IL19: variants seen among roughly 807,000 people sequenced by gnomAD.
The protein encoded by IL19 is interleukin 19.
Under a neutral mutation model 19.5 loss-of-function variants are expected in IL19, and 15 were observed. The observed-to-expected ratio is 0.77, with a 90% CI of 0.52 to 1.19. IL19 has a LOEUF of 1.19. IL19 is among the 50% of genes most tolerant of loss of function. The pLI is 0.00. For synonymous variants in IL19, 78 were observed against 78.3 expected (o/e 1.00, Z 0.02); for missense variants, 199 against 213.1 (o/e 0.93, Z 0.41).
intron 4 of IL19, among the ~76,000 whole-genome samples, chr1:206,837,406 T>C (rs1433092988): frequency 1.3e-5 from 2 of 152,014 alleles, no homozygotes; most frequent in East Asian, 1.9e-4. Context: ...GATAAGATAA[T>C]GGGTGTAAGA....
At chr1:206,822,547 T>C (rs1336404306) in intron 2 of IL19, among the ~76,000 whole-genome samples, 2 of 152,226 alleles carry the variant, frequency 1.3e-5, no homozygotes, top group African/African-American at 4.8e-5. Flanking sequence ...TGTCCAAGTG[T>C]TTAAACTCTT....
At chr1:206,787,546 G>A (rs1243394880) in intron 1 of IL19, among the ~76,000 whole-genome samples, 4 of 152,182 alleles carry the variant, frequency 2.6e-5, no homozygotes, top group Non-Finnish European at 5.9e-5. Context: ...TAAAGACCTA[G>A]GTCCGGGAAA....
At chr1:206,771,286 A>T in intron 1 of IL19, 1 of 1,401,634 alleles carries the variant, frequency 7.1e-7, no homozygotes, top group Non-Finnish European at 1.0e-6. Flanking sequence ...ATTCCCTGCA[A>T]TCAGGAAGCA....
intron 2 of IL19, among the ~76,000 whole-genome samples, chr1:206,831,865 C>T (rs1676618389): frequency 6.6e-6 from 1 of 152,230 alleles, no homozygotes; most frequent in South Asian, 2.1e-4. Context: ...TTTCCCTTCC[C>T]CTGCAAGCTT....
intron 5 of IL19, 93 bp downstream of exon 5, chr1:206,840,095 G>T (rs749751828): frequency 1.6e-5 from 22 of 1,390,470 alleles, no homozygotes; most frequent in Non-Finnish European, 1.8e-5. Context: ...CTGATATGGT[G>T]CTTGGAGTCA....
intron 2 of IL19, among the ~76,000 whole-genome samples, chr1:206,829,557 G>C (rs1201148317): frequency 6.6e-6 from 1 of 152,186 alleles, no homozygotes; most frequent in Non-Finnish European, 1.5e-5. Context: ...TGTAGGCGAA[G>C]TCCAGGCTGT....
At chr1:206,812,890 G>A (rs1676049829) in intron 2 of IL19, among the ~76,000 whole-genome samples, 1 of 151,854 alleles carries the variant, frequency 6.6e-6, no homozygotes, top group South Asian at 2.1e-4. Flanking sequence ...TTGCAATTTG[G>A]TTTTTAGAAA....
intron 1 of IL19, among the ~76,000 whole-genome samples, chr1:206,786,090 C>T (rs774971971): frequency 1.3e-5 from 2 of 152,142 alleles, no homozygotes; most frequent in African/African-American, 2.4e-5. Context: ...CACCAAAGCT[C>T]TGCCATTGGA....
At chr1:206,789,991 T>C (rs1210750844) in intron 1 of IL19, among the ~76,000 whole-genome samples, 1 of 152,224 alleles carries the variant, frequency 6.6e-6, no homozygotes, top group Non-Finnish European at 1.5e-5. Flanking sequence ...AGTAAACATA[T>C]ATGTGCAGTT....
chr1:206,815,922 G>A (rs1279410115), intron 2 of IL19, among the ~76,000 whole-genome samples: 3 of 151,980 alleles, frequency 2.0e-5, no homozygotes, highest in African/African-American at 4.8e-5. Context: ...TGTTTCCTTC[G>A]ACATTTTTTC....
chr1:206,819,991 ATCCCC>A (rs1676252519), intron 2 of IL19, among the ~76,000 whole-genome samples: 1 of 152,188 alleles, frequency 6.6e-6, no homozygotes, highest in Non-Finnish European at 1.5e-5. Context: ...TGACTGGGCC[ATCCCC>A]CTTTCCTTCT....
intron 2 of IL19, among the ~76,000 whole-genome samples, chr1:206,823,550 TA>T (rs1005680500): frequency 4.2e-3 from 584 of 137,784 alleles, no homozygotes; most frequent in Admixed American, 5.2e-3. Flanking sequence ...AGACTCCGTC[TA>T]AAAAAAAAAA....
intron 2 of IL19, among the ~76,000 whole-genome samples, chr1:206,815,845 T>C (rs1676140890): frequency 6.6e-6 from 1 of 152,208 alleles, no homozygotes; most frequent in Non-Finnish European, 1.5e-5. Context: ...TCACTTAACA[T>C]TGTAGATAGG....
chr1:206,840,920 T>C, intron 5 of IL19, 84 bp from the exon 6 acceptor site: 1 of 1,091,848 alleles, frequency 9.2e-7, no homozygotes, highest in East Asian at 2.4e-5. Context: ...AGGAGAAATG[T>C]CACTTCTCAT....
chr1:206,837,335 G>A (rs1387475478), intron 4 of IL19, among the ~76,000 whole-genome samples: 4 of 152,040 alleles, frequency 2.6e-5, no homozygotes, highest in African/African-American at 4.8e-5. Context: ...GAAAACAAAC[G>A]GTGACTTAAC....
At chr1:206,804,844 C>T (rs534986787) in intron 2 of IL19, among the ~76,000 whole-genome samples, 361 of 152,344 alleles carry the variant, frequency 2.4e-3, no homozygotes, top group African/African-American at 8.2e-3. Context: ...GGAAGAGCAG[C>T]TGTATCTTTC....
At chr1:206,778,814 C>G (rs1478224968) in intron 1 of IL19, among the ~76,000 whole-genome samples, 2 of 152,268 alleles carry the variant, frequency 1.3e-5, no homozygotes, top group East Asian at 3.9e-4. Context: ...TTGGTCCCTC[C>G]CTCTTCCTTG....
At chr1:206,795,975 G>C (rs191216647) in intron 1 of IL19, among the ~76,000 whole-genome samples, 120 of 148,696 alleles carry the variant, frequency 8.1e-4, no homozygotes, top group Admixed American at 1.7e-3. Flanking sequence ...TTTATTATAA[G>C]GTATAAGGTA....
chr1:206,791,766 C>T (rs994375732), intron 1 of IL19, among the ~76,000 whole-genome samples: 15 of 152,332 alleles, frequency 9.8e-5, no homozygotes, highest in South Asian at 2.1e-4. Flanking sequence ...TTTCTCCTCC[C>T]CCTGTAAAAG....
Sources: allele counts gnomAD v4.1 joint callset (sites outside exome capture counted in the v4.1 genomes callset), GRCh38; gene constraint gnomAD v4.1.1; transcripts MANE v1.5; gene names NCBI Gene and HGNC (gene_info 2026-07-23, HGNC 2026-07-21).